ELL2: variants seen among roughly 807,000 people sequenced by gnomAD.
The protein encoded by ELL2 is RNA polymerase II elongation factor ELL2.
Under a neutral mutation model 72.8 loss-of-function variants are expected in ELL2, and 21 were observed. The ratio of observed to expected loss-of-function variants is 0.29; its 90% CI spans 0.20 to 0.42. ELL2 has a LOEUF of 0.42. Ranked by LOEUF, ELL2 falls within the 10% of genes least tolerant of loss-of-function variation. The probability of loss-of-function intolerance (pLI) is 1.00; values close to 1 mark genes in which losing one functional copy is unlikely to be tolerated. For synonymous variants in ELL2, 266 were observed against 283.2 expected (o/e 0.94, Z 0.61); for missense variants, 568 against 772.8 (o/e 0.73, Z 3.14).
intron 10 of ELL2, among the ~76,000 whole-genome samples, chr5:95,890,685 T>TACACA (rs1748627891): frequency 6.6e-6 from 1 of 152,218 alleles, no homozygotes; most frequent in South Asian, 2.1e-4. Context: ...TTTCCTATGT[T>TACACA]TGTATCTTCC....
rs1222160513 is a variant in ELL2 at position 95,886,148 on chromosome 5, T to G, written c.*2723A>C. On this transcript the variant is annotated 3_prime_UTR_variant, in exon 12 of 12. Coordinates refer to ENST00000237853, the MANE Select transcript of ELL2 (RefSeq NM_012081.6). ...AAAGAAAAAAAACTAGATAAATTCTTCCACCGGAGTAACTGACATTAAGTG... is the reference window on the plus strand; with the variant it reads ...AAAGAAAAAAAACTAGATAAATTCTGCCACCGGAGTAACTGACATTAAGTG... The G allele has an allele frequency of 6.6e-6, 1 of 152,168 alleles. No homozygotes were observed. The highest frequency in any genetic ancestry group is 2.4e-5 in the African/African-American group (1 of 41,442). 9.4% of individuals were successfully genotyped at this position (152,168 alleles called of 1,614,324 possible).
chr5:95,903,592 T>TA (rs1438346959), intron 5 of ELL2, among the ~76,000 whole-genome samples: 5 of 152,124 alleles, frequency 3.3e-5, no homozygotes, highest in Non-Finnish European at 7.4e-5. Flanking sequence ...CTAAAGTACT[T>TA]AGTGCCTGTT....
chr5:95,890,918 C>T (rs1181912589), intron 10 of ELL2, 185 bp downstream of exon 10: 2 of 674,898 alleles, frequency 3.0e-6, no homozygotes, highest in East Asian at 2.8e-5. Context: ...GGTAGAAATA[C>T]AGGTTTACTA....
At chr5:95,905,979 G>T (rs1749343944) in intron 5 of ELL2, among the ~76,000 whole-genome samples, 2 of 152,164 alleles carry the variant, frequency 1.3e-5, no homozygotes, top group Admixed American at 6.5e-5. Context: ...TTGTGATAAA[G>T]TATGGGATCA....
intron 1 of ELL2, among the ~76,000 whole-genome samples, chr5:95,956,623 G>GA (rs1381683920): frequency 6.6e-6 from 1 of 152,074 alleles, no homozygotes; most frequent in African/African-American, 2.4e-5. Flanking sequence ...AAAAGAAAGA[G>GA]AAAAAAGCAG....
At chr5:95,907,811 G>T (rs1214959558) in intron 4 of ELL2, among the ~76,000 whole-genome samples, 5 of 152,160 alleles carry the variant, frequency 3.3e-5, no homozygotes, top group Admixed American at 6.5e-5. Context: ...AGTGCATTAG[G>T]AACAAGACTA....
At chr5:95,918,632 G>T (rs535729550) in intron 3 of ELL2, among the ~76,000 whole-genome samples, 67 of 152,236 alleles carry the variant, frequency 4.4e-4, no homozygotes, top group African/African-American at 1.5e-3. Context: ...ACAGAGATAC[G>T]CTGGTCTAGG....
chr5:95,900,680 G>A lies in ELL2; in HGVS notation c.954+13C>T, dbSNP rs1027143268. 1 of 1,563,558 alleles carries A rather than the reference G, an allele frequency of 6.4e-7. No individual in the cohort carries two copies. On this transcript the variant is annotated intron_variant, in intron 7 of 11. Coordinates refer to ENST00000237853, the MANE Select transcript of ELL2 (RefSeq NM_012081.6). ...ATCTATGTCAGGTCTATAATTCTAT[G>A]TTTATGACATACCTGAGGAGAAGAT...
At chr5:95,958,537 G>A (rs1751701045) in intron 1 of ELL2, among the ~76,000 whole-genome samples, 2 of 152,136 alleles carry the variant, frequency 1.3e-5, no homozygotes, top group Non-Finnish European at 2.9e-5. Flanking sequence ...ATCCAACTGA[G>A]GTTGACAGTT....
At chr5:95,897,405 G>C (rs2112274467) in intron 8 of ELL2, among the ~76,000 whole-genome samples, 1 of 152,286 alleles carries the variant, frequency 6.6e-6, no homozygotes, top group East Asian at 1.9e-4. Context: ...CTATGTGGTG[G>C]CATGCAAGGA....
At chr5:95,906,825 A>G (rs1437853434) in intron 4 of ELL2, 43 bp from the exon 5 acceptor site, 14 of 1,549,054 alleles carry the variant, frequency 9.0e-6, no homozygotes, top group Non-Finnish European at 1.2e-5. Context: ...TTTGTGGGTT[A>G]CAATATGAGC....
In ELL2 at chr5:95,887,081, T is replaced by C. The variant is rs1350113740; in HGVS notation, c.*1790A>G. 1.3e-5 allele frequency: 2 copies of C among 152,164 alleles called. No homozygotes were observed. The highest frequency in any genetic ancestry group is 1.3e-4 in the Admixed American group (2 of 15,270). 9.4% of individuals were successfully genotyped at this position (152,164 alleles called of 1,614,324 possible). ...GAAATAAATTAACGTTTAATAATGATTGTACCAATTCTGAGGTAAAAAAAG... is the reference window on the plus strand; with the variant it reads ...GAAATAAATTAACGTTTAATAATGACTGTACCAATTCTGAGGTAAAAAAAG... On this transcript the variant is annotated 3_prime_UTR_variant, in exon 12 of 12. Transcript: ENST00000237853.
intron 1 of ELL2, among the ~76,000 whole-genome samples, chr5:95,960,577 G>A (rs1751796318): frequency 6.6e-6 from 1 of 151,976 alleles, no homozygotes; most frequent in South Asian, 2.1e-4. Context: ...TGAGAGGCCC[G>A]AGTCTCTGCC....
chr5:95,946,395 A>T (rs915505526), intron 1 of ELL2, among the ~76,000 whole-genome samples: 1 of 152,100 alleles, frequency 6.6e-6, no homozygotes, highest in Admixed American at 6.5e-5. Context: ...AAATCTGGCC[A>T]CTCTGCCCCA....
intron 3 of ELL2, among the ~76,000 whole-genome samples, chr5:95,918,276 A>AT (rs1053693453): frequency 6.6e-6 from 1 of 152,240 alleles, no homozygotes; most frequent in Non-Finnish European, 1.5e-5. Flanking sequence ...ATTTTATTTA[A>AT]TTTTTTATCA....
At chr5:95,921,528 C>T (rs932629694) in intron 2 of ELL2, among the ~76,000 whole-genome samples, 1 of 152,192 alleles carries the variant, frequency 6.6e-6, no homozygotes, top group African/African-American at 2.4e-5. Flanking sequence ...TTAATTTACT[C>T]TGTAGGTAGG....
intron 9 of ELL2, 119 bp downstream of exon 9, chr5:95,895,507 GGT>G: frequency 1.2e-6 from 1 of 844,574 alleles, no homozygotes; most frequent in South Asian, 1.6e-5. Context: ...CAATTGCAAG[GGT>G]GGCTCCAGGA....
At chr5:95,940,303 T>C (rs902993376) in intron 2 of ELL2, among the ~76,000 whole-genome samples, 1 of 152,224 alleles carries the variant, frequency 6.6e-6, no homozygotes, top group Non-Finnish European at 1.5e-5. Context: ...TAGCAGCATA[T>C]TGCTATACTT....
chr5:95,917,003 T>C (rs997423982), intron 3 of ELL2, among the ~76,000 whole-genome samples: 2 of 152,200 alleles, frequency 1.3e-5, no homozygotes, highest in Admixed American at 1.3e-4. Flanking sequence ...CTAAACGCTG[T>C]AGGCAAGAAG....
Sources: allele counts gnomAD v4.1 joint callset (sites outside exome capture counted in the v4.1 genomes callset), GRCh38; gene constraint gnomAD v4.1.1; transcripts MANE v1.5; gene names NCBI Gene and HGNC (gene_info 2026-07-23, HGNC 2026-07-21).